UBASH3B: variants seen among roughly 807,000 people sequenced by gnomAD.
UBASH3B encodes the protein ubiquitin-associated and SH3 domain-containing protein B.
UBASH3B carries 37 observed loss-of-function variants against 83.4 expected under a neutral mutation model. The observed-to-expected ratio is 0.44, with a 90% CI of 0.34 to 0.58. The LOEUF is 0.58. Among genes scored for constraint, UBASH3B ranks in the 20% least tolerant of loss-of-function variants. The probability of loss-of-function intolerance (pLI) is 0.01; values close to 1 mark genes in which losing one functional copy is unlikely to be tolerated. For missense variants in UBASH3B, 657 were observed against 827.2 expected, an observed-to-expected ratio of 0.79 and a Z score of 2.52; for synonymous variants, 304 against 318.3, an observed-to-expected ratio of 0.96 and a Z score of 0.48.
intron 1 of UBASH3B, among the ~76,000 whole-genome samples, chr11:122,718,644 C>T (rs1860567161): frequency 6.6e-6 from 1 of 152,060 alleles, no homozygotes; most frequent in Non-Finnish European, 1.5e-5. Context: ...TTTTTATATT[C>T]ATAGTATGGA....
At chr11:122,724,949 A>T (rs1403071589) in intron 1 of UBASH3B, among the ~76,000 whole-genome samples, 2 of 151,826 alleles carry the variant, frequency 1.3e-5, no homozygotes, top group Non-Finnish European at 2.9e-5. Flanking sequence ...ATGTTATTTT[A>T]TTTATTTATT....
chr11:122,726,053 G>A (rs1860734769), intron 1 of UBASH3B, among the ~76,000 whole-genome samples: 1 of 152,144 alleles, frequency 6.6e-6, no homozygotes, highest in Non-Finnish European at 1.5e-5. Flanking sequence ...TAGGAAACAT[G>A]CTCATGGTTC....
rs1861465026 is a variant in UBASH3B at position 122,812,377 on chromosome 11, A to T, written c.*2491A>T. 1 of 152,244 alleles carries T rather than the reference A, an allele frequency of 6.6e-6. No individual in the cohort carries two copies. The highest frequency in any genetic ancestry group is 2.4e-5 in the African/African-American group (1 of 41,468). 9.4% of individuals were successfully genotyped at this position (152,244 alleles called of 1,614,324 possible). The stretch of plus-strand genomic sequence containing the variant: ...AGAAATTATTTGTAAATCATGTGGC[A>T]TCTATGTATAATAAAAGAAAGAGAC... On this transcript the variant is annotated 3_prime_UTR_variant, in exon 14 of 14. Transcript: ENST00000284273.
rs149765999 is a variant in UBASH3B, at chr11:122,697,282, C to CT, written c.161+41075dup. Among the ~76,000 whole-genome samples, 85 of 152,250 alleles carry CT rather than the reference C, an allele frequency of 5.6e-4. 1 individual carries two copies. The East Asian group carries it at 0.016, about 29-fold the overall frequency. ...GTACTTTTACATATGTGATTATTCC[C>CT]TTTATTACAGAAGAGAAAACTGAAG... On this transcript the variant is annotated intron_variant, in intron 1 of 13. Coordinates refer to ENST00000284273, the MANE Select transcript of UBASH3B (RefSeq NM_032873.5).
chr11:122,785,690 A>G (rs1037345135), intron 5 of UBASH3B, among the ~76,000 whole-genome samples: 12 of 152,220 alleles, frequency 7.9e-5, no homozygotes, highest in African/African-American at 2.9e-4. Flanking sequence ...TCCTGGCTCC[A>G]TCACTTTAGC....
chr11:122,688,206 G>A (rs534701408), intron 1 of UBASH3B, among the ~76,000 whole-genome samples: 21 of 151,968 alleles, frequency 1.4e-4, no homozygotes, highest in African/African-American at 5.1e-4. Context: ...TCCAGACACC[G>A]AGAGGGATGG....
At chr11:122,677,074 G>A (rs1863677434) in intron 1 of UBASH3B, among the ~76,000 whole-genome samples, 1 of 152,096 alleles carries the variant, frequency 6.6e-6, no homozygotes, top group South Asian at 2.1e-4. Flanking sequence ...CAAAAATATT[G>A]GGGGGAAAAA....
Position 122,655,779 on chromosome 11 carries a change from T to C in UBASH3B, c.-271T>C. ...GGGAAGGGGGCGGAGGAGACAGGGC[T>C]ACTGCAGGCGCAGAGCTGGGGGCAG... On this transcript the variant is annotated 5_prime_UTR_variant, in exon 1 of 14. Coordinates refer to ENST00000284273, the MANE Select transcript of UBASH3B (RefSeq NM_032873.5). 4.9e-6 allele frequency: 2 copies of C among 404,920 alleles called. No homozygotes were observed. The highest frequency in any genetic ancestry group is 5.5e-5 in the South Asian group (1 of 18,052). The allele number at this position is 404,920 out of a possible 1,614,324, so 25.1% of individuals were successfully genotyped here.
At position 122,749,794 on chromosome 11, in the gene UBASH3B, G is replaced by A. The variant is rs148514056; in HGVS notation, c.162-26425G>A. Among the ~76,000 whole-genome samples the A allele has an allele frequency of 2.0e-3, 306 of 152,252 alleles. 1 individual carries two copies. The highest frequency in any genetic ancestry group is 6.5e-3 in the African/African-American group (271 of 41,528). On this transcript the variant is annotated intron_variant, in intron 1 of 13. Coordinates refer to ENST00000284273, the MANE Select transcript of UBASH3B (RefSeq NM_032873.5). ...GTCCCCCAGGCTGCAATGCAGTGGCGCTTTCTCGGCTCACTGCAACCTCCG... is the reference window on the plus strand; with the variant it reads ...GTCCCCCAGGCTGCAATGCAGTGGCACTTTCTCGGCTCACTGCAACCTCCG...
intron 1 of UBASH3B, 67 bp downstream of exon 1, chr11:122,656,277 C>T (rs1863361659): frequency 3.1e-6 from 4 of 1,295,874 alleles, no homozygotes; most frequent in Non-Finnish European, 3.9e-6. Context: ...CGGCTTCGCT[C>T]CGGCTCGCCT....
At chr11:122,768,466 A>AGGTATGTGTGTGTGTGTGTG (rs745861229) in intron 1 of UBASH3B, among the ~76,000 whole-genome samples, 4 of 128,980 alleles carry the variant, frequency 3.1e-5, no homozygotes, top group Non-Finnish European at 4.7e-5. Flanking sequence ...AGAGATATAT[A>AGGTATGTGTGTGTGTGTGTG]TGTATGTGTG....
intron 1 of UBASH3B, among the ~76,000 whole-genome samples, chr11:122,676,809 C>T (rs548423055): frequency 2.6e-4 from 40 of 152,340 alleles, no homozygotes; most frequent in African/African-American, 9.4e-4. Context: ...CCTGGCATCA[C>T]TGTCACCTTC....
chr11:122,795,526 T>C (rs542920388), intron 7 of UBASH3B, among the ~76,000 whole-genome samples: 48 of 152,330 alleles, frequency 3.2e-4, no homozygotes, highest in Admixed American at 8.5e-4. Flanking sequence ...CCAGCAGTTA[T>C]AGAAGCCAAA....
Position 122,656,061 on chromosome 11 carries a change from C to T in UBASH3B, c.12C>T (p.Tyr4=). 6.3e-7 allele frequency: 1 copy of T among 1,594,194 alleles called. No homozygotes were observed. The highest frequency in any genetic ancestry group is 8.5e-7 in the Non-Finnish European group (1 of 1,171,752). Residue 4 remains tyrosine, a synonymous_variant, in exon 1 of 14, where the codon TAC becomes TAT. Coordinates refer to ENST00000284273, the MANE Select transcript of UBASH3B (RefSeq NM_032873.5). ...CTGGCCGCTGAGCCATGGCTCAGTA[C>T]GGCCACCCCAGTCCGCTCGGCATGG... MAQ[Y]GHPSPLGMAA...
chr11:122,757,116 A>G (rs922581567), intron 1 of UBASH3B, among the ~76,000 whole-genome samples: 1 of 152,248 alleles, frequency 6.6e-6, no homozygotes, highest in African/African-American at 2.4e-5. Flanking sequence ...CTACACGCAC[A>G]TGCACTTACT....
At chr11:122,774,949 C>G (rs1860707918) in intron 1 of UBASH3B, among the ~76,000 whole-genome samples, 1 of 152,266 alleles carries the variant, frequency 6.6e-6, no homozygotes, top group Admixed American at 6.5e-5. Flanking sequence ...GCCCCTCAGA[C>G]CAGGTTAGAT....
intron 1 of UBASH3B, among the ~76,000 whole-genome samples, chr11:122,743,713 G>C (rs1861064862): frequency 6.6e-6 from 1 of 152,230 alleles, no homozygotes; most frequent in Non-Finnish European, 1.5e-5. Flanking sequence ...TTTGGAGTGG[G>C]GTTGGGGTAC....
chr11:122,770,927 G>T (rs1860631000), intron 1 of UBASH3B, among the ~76,000 whole-genome samples: 1 of 152,146 alleles, frequency 6.6e-6, no homozygotes, highest in Admixed American at 6.5e-5. Context: ...TTATCTCTCT[G>T]AAATGTATCC....
chr11:122,774,223 G>A, intron 1 of UBASH3B: 1 of 985,548 alleles, frequency 1.0e-6, no homozygotes, highest in Non-Finnish European at 1.2e-6. Context: ...TCCAAGCGGA[G>A]CAGAGGGGTC....
Sources: allele counts gnomAD v4.1 joint callset (sites outside exome capture counted in the v4.1 genomes callset), GRCh38; gene constraint gnomAD v4.1.1; transcripts MANE v1.5; gene names NCBI Gene and HGNC (gene_info 2026-07-23, HGNC 2026-07-21).